Variants in DPYS observed in about 807,000 individuals in gnomAD.
DPYS encodes the protein dihydropyrimidinase, also known as dihydropyrimidine amidohydrolase.
DPYS carries 39 observed loss-of-function variants against 50.3 expected under a neutral mutation model. The ratio of observed to expected loss-of-function variants is 0.78; its 90% CI spans 0.60 to 1.01. The LOEUF (loss-of-function observed/expected upper bound fraction) is 1.01, where lower values mean the gene tolerates loss of function less well. Among genes scored for constraint, DPYS ranks in the 50% least tolerant of loss-of-function variants. DPYS has a pLI of 0.00. For missense variants in DPYS, 659 were observed against 680.9 expected, an observed-to-expected ratio of 0.97 and a Z score of 0.36; for synonymous variants, 245 against 250.7, an observed-to-expected ratio of 0.98 and a Z score of 0.22.
At chr8:104,388,893 C>A (rs1453650882) in intron 8 of DPYS, among the ~76,000 whole-genome samples, 3 of 152,194 alleles carry the variant, frequency 2.0e-5, no homozygotes, top group Non-Finnish European at 4.4e-5. Flanking sequence ...AAAAATCAAG[C>A]TCTCACAAGA....
chr8:104,452,374 C>T (rs752684179), intron 1 of DPYS, among the ~76,000 whole-genome samples: 4 of 152,168 alleles, frequency 2.6e-5, no homozygotes, highest in Middle Eastern at 3.2e-3. Flanking sequence ...GCTTAGACCA[C>T]GGACCTGGGA....
chr8:104,401,037 G>C (rs566927624), intron 7 of DPYS, among the ~76,000 whole-genome samples: 1 of 152,156 alleles, frequency 6.6e-6, no homozygotes, highest in East Asian at 1.9e-4. Context: ...GAGTAATGTG[G>C]GTCTCCCCAA....
intron 8 of DPYS, among the ~76,000 whole-genome samples, chr8:104,383,743 A>G (rs1443473363): frequency 6.6e-6 from 1 of 152,076 alleles, no homozygotes; most frequent in African/African-American, 2.4e-5. Flanking sequence ...CTGGAATTAC[A>G]GGCACACACC....
At chr8:104,427,800 C>T (rs1185352798) in intron 6 of DPYS, among the ~76,000 whole-genome samples, 180 bp downstream of exon 6, 1 of 152,166 alleles carries the variant, frequency 6.6e-6, no homozygotes, top group Non-Finnish European at 1.5e-5. Context: ...TATTTCTTTG[C>T]TGATGCTATA....
chr8:104,385,201 A>G (rs2140504777), intron 8 of DPYS, among the ~76,000 whole-genome samples: 1 of 152,354 alleles, frequency 6.6e-6, no homozygotes, highest in East Asian at 1.9e-4. Flanking sequence ...GTTTGAAACA[A>G]GTAGAATATA....
At chr8:104,395,292 C>T (rs1811540199) in intron 7 of DPYS, among the ~76,000 whole-genome samples, 1 of 152,202 alleles carries the variant, frequency 6.6e-6, no homozygotes, top group South Asian at 2.1e-4. Flanking sequence ...AGTCACTGCA[C>T]CTGGTTGGAA....
intron 4 of DPYS, among the ~76,000 whole-genome samples, chr8:104,440,261 G>A (rs945851526): frequency 2.0e-4 from 30 of 152,088 alleles, no homozygotes; most frequent in African/African-American, 6.5e-4. Flanking sequence ...ATATTTCTAG[G>A]CTACCACAAT....
intron 1 of DPYS, among the ~76,000 whole-genome samples, chr8:104,463,295 T>A (rs896788089): frequency 6.6e-6 from 1 of 152,230 alleles, no homozygotes; most frequent in East Asian, 1.9e-4. Context: ...ATACCTGCAG[T>A]GTGTACTTAT....
At chr8:104,449,910 T>C (rs1243871702) in intron 2 of DPYS, among the ~76,000 whole-genome samples, 1 of 152,234 alleles carries the variant, frequency 6.6e-6, no homozygotes, top group Non-Finnish European at 1.5e-5. Context: ...TAAGCCATTC[T>C]GTTTGTCGTA....
Position 104,450,066 on chromosome 8 carries a change from CT to C in DPYS, c.423+1179del, listed in dbSNP as rs1167967472. On this transcript the variant is annotated intron_variant, in intron 2 of 9. Coordinates refer to ENST00000351513, the MANE Select transcript of DPYS (RefSeq NM_001385.3). ...CACTGATAAGGACAAACACCATCAC[CT>C]TTGCTCCATCTTATAAAATAGGAGA... Among the ~76,000 whole-genome samples the C allele has an allele frequency of 6.7e-5, 10 of 150,330 alleles. No individual in the cohort carries two copies. In the Admixed American group the frequency reaches 6.7e-4, roughly 10 times the overall value.
In DPYS at chr8:104,428,074, C is replaced by T. The variant is rs772947101; in HGVS notation, c.998G>A (p.Cys333Tyr). ...ATCATCCTTCCCAAGAGCTTTCTGG[C>T]AGGTGTTGAAAGTGCAGTTATCAGT... ...TGTDNCTFNT[C>Y]QKALGKDDFT... The change falls in exon 6 of 10, where the codon TGC becomes TAC. Residue 333 changes from cysteine to tyrosine, a missense_variant. By Grantham distance (194) the Cys-to-Tyr change is radical. Transcript: ENST00000351513. 8.1e-6 allele frequency: 13 copies of T among 1,614,220 alleles called. No individual in the cohort carries two copies. In the Admixed American group the frequency reaches 1.7e-4, roughly 21 times the overall value.
intron 8 of DPYS, among the ~76,000 whole-genome samples, chr8:104,381,775 CGTT>C (rs1271330332): frequency 6.6e-6 from 1 of 151,854 alleles, no homozygotes; most frequent in Non-Finnish European, 1.5e-5. Context: ...AATCTCACCT[CGTT>C]GGTGACCGAC....
chr8:104,425,870 C>T (rs1347638204), intron 6 of DPYS, among the ~76,000 whole-genome samples: 1 of 152,064 alleles, frequency 6.6e-6, no homozygotes, highest in African/African-American at 2.4e-5. Flanking sequence ...TGACTAAGAA[C>T]CATGCCCTGA....
At chr8:104,382,107 G>A (rs1229389062) in intron 8 of DPYS, among the ~76,000 whole-genome samples, 1 of 152,170 alleles carries the variant, frequency 6.6e-6, no homozygotes, top group Admixed American at 6.5e-5. Flanking sequence ...AGATAGTGGA[G>A]AATTTCCAGA....
intron 3 of DPYS, among the ~76,000 whole-genome samples, chr8:104,445,377 C>A (rs1813490817): frequency 6.6e-6 from 1 of 152,142 alleles, no homozygotes; most frequent in Non-Finnish European, 1.5e-5. Context: ...AAGTGCCCAT[C>A]AGCAGATGAA....
At position 104,429,697 on chromosome 8, in the gene DPYS, C is replaced by A. The variant is rs903815474; in HGVS notation, c.798G>T (p.Lys266Asn). 6.2e-7 allele frequency: 1 copy of A among 1,613,986 alleles called. No homozygotes were observed. The highest frequency in any genetic ancestry group is 8.5e-7 in the Non-Finnish European group (1 of 1,180,012). Residue 266 changes from lysine to asparagine, a missense_variant, in exon 5 of 10, where the codon AAG (lysine) becomes AAT (asparagine). Transcript: ENST00000351513. ...KVIADARRDG[K>N]VVYGEPIAAS... ...CTGCTATGGGTTCACCATAGACCACCTTCCCTGGAAAGATTAAAAGAAGCA... is the reference window on the plus strand; with the variant it reads ...CTGCTATGGGTTCACCATAGACCACATTCCCTGGAAAGATTAAAAGAAGCA...
At chr8:104,463,196 T>C (rs567644510) in intron 1 of DPYS, among the ~76,000 whole-genome samples, 1 of 152,350 alleles carries the variant, frequency 6.6e-6, no homozygotes, top group Non-Finnish European at 1.5e-5. Flanking sequence ...TTTTACTTTA[T>C]GCTTTTTCTG....
intron 4 of DPYS, among the ~76,000 whole-genome samples, chr8:104,432,710 T>C (rs1008258675): frequency 6.6e-6 from 1 of 152,232 alleles, no homozygotes; most frequent in Non-Finnish European, 1.5e-5. Context: ...GCTGGTGACA[T>C]TGTACAAGGT....
intron 7 of DPYS, among the ~76,000 whole-genome samples, chr8:104,416,551 G>A (rs1177260777): frequency 2.0e-5 from 3 of 152,100 alleles, no homozygotes; most frequent in Non-Finnish European, 4.4e-5. Flanking sequence ...GGGAGTGGCG[G>A]GCGCGTTAGT....
Sources: allele counts gnomAD v4.1 joint callset (sites outside exome capture counted in the v4.1 genomes callset), GRCh38; gene constraint gnomAD v4.1.1; transcripts MANE v1.5; gene names NCBI Gene and HGNC (gene_info 2026-07-23, HGNC 2026-07-21).